Variants in DOCK5 observed in about 807,000 individuals in gnomAD.
DOCK5 encodes dedicator of cytokinesis protein 5.
Under a neutral mutation model 251.8 loss-of-function variants are expected in DOCK5, and 142 were observed. The ratio of observed to expected loss-of-function variants is 0.56; its 90% CI spans 0.49 to 0.65. The LOEUF (loss-of-function observed/expected upper bound fraction) is 0.65, where lower values mean the gene tolerates loss of function less well. Ranked by LOEUF, DOCK5 falls within the 30% of genes least tolerant of loss-of-function variation. The pLI is 0.00. For missense variants in DOCK5, 2,111 were observed against 2,312.3 expected, an observed-to-expected ratio of 0.91 and a Z score of 1.79; for synonymous variants, 842 against 835.5, an observed-to-expected ratio of 1.01 and a Z score of -0.13.
chr8:25,345,437 C>G lies in DOCK5; in HGVS notation c.2618-38C>G, dbSNP rs771486996. ...AGGAGACAGGCAGTTCAGGAGGTGG[C>G]ACTGCTGTGTGTGAGCTGTCTGTGT... is the stretch of plus-strand genomic sequence containing the variant. On this transcript the variant is annotated intron_variant, in intron 25 of 51. Coordinates refer to ENST00000276440, the MANE Select transcript of DOCK5 (RefSeq NM_024940.8). The G allele has an allele frequency of 3.7e-6, 6 of 1,609,010 alleles. No homozygotes were observed. In the South Asian group the frequency reaches 4.4e-5, roughly 12 times the overall value.
rs543604566 is a variant in DOCK5 at position 25,391,406 on chromosome 8, C to T, written c.4356-490C>T. 2.4e-3 allele frequency among the ~76,000 whole-genome samples: 368 copies of T among 151,972 alleles called. 2 individuals carry two copies. Among genetic ancestry groups the T allele is most frequent in the South Asian group, 8.7e-3 (42 of 4,804 alleles). ...GTGTGCTGTGACTTTGAGGCTGAGG[C>T]GGGTGGATCACTTGAGGTCAGGAGT... is the stretch of plus-strand genomic sequence containing the variant. On this transcript the variant is annotated intron_variant, in intron 42 of 51. Transcript: ENST00000276440.
At chr8:25,344,422 T>G (rs1006376929) in intron 25 of DOCK5, among the ~76,000 whole-genome samples, 10 of 152,146 alleles carry the variant, frequency 6.6e-5, no homozygotes, top group African/African-American at 2.2e-4. Context: ...TGCCTGGAGA[T>G]CTGAAGACCA....
At chr8:25,292,332 A>T (rs1804514183) in intron 6 of DOCK5, among the ~76,000 whole-genome samples, 160 bp downstream of exon 6, 1 of 152,172 alleles carries the variant, frequency 6.6e-6, no homozygotes, top group South Asian at 2.1e-4. Context: ...TTGTTGAAAA[A>T]AATGTCACAG....
chr8:25,209,012 A>G (rs1011090385), intron 1 of DOCK5, among the ~76,000 whole-genome samples: 13 of 152,162 alleles, frequency 8.5e-5, no homozygotes, highest in South Asian at 2.1e-4. Flanking sequence ...TTTTGTTGGC[A>G]TTTACCATTA....
chr8:25,320,403 A>G (rs902636881), intron 15 of DOCK5, among the ~76,000 whole-genome samples: 1 of 152,208 alleles, frequency 6.6e-6, no homozygotes, highest in African/African-American at 2.4e-5. Flanking sequence ...GTGCTTTTTA[A>G]AACTACTTAT....
At chr8:25,257,110 A>G (rs1292221108) in intron 2 of DOCK5, among the ~76,000 whole-genome samples, 1 of 152,162 alleles carries the variant, frequency 6.6e-6, no homozygotes, top group Non-Finnish European at 1.5e-5. Flanking sequence ...GAGCACAGAC[A>G]CATTCTTCAA....
intron 6 of DOCK5, among the ~76,000 whole-genome samples, chr8:25,295,596 G>A (rs142135228): frequency 6.6e-5 from 10 of 152,172 alleles, no homozygotes; most frequent in Non-Finnish European, 1.3e-4. Context: ...TACTTCACTC[G>A]TCTCCTTTAT....
At chr8:25,396,481 G>A (rs1801347488) in intron 45 of DOCK5, among the ~76,000 whole-genome samples, 1 of 152,098 alleles carries the variant, frequency 6.6e-6, no homozygotes, top group Non-Finnish European at 1.5e-5. Flanking sequence ...AGACATGAAA[G>A]CAGTACTTGG....
At chr8:25,251,942 TCACG>T (rs1803282562) in intron 2 of DOCK5, among the ~76,000 whole-genome samples, 1 of 149,046 alleles carries the variant, frequency 6.7e-6, no homozygotes, top group South Asian at 2.1e-4. Flanking sequence ...TGAGCTGAGA[TCACG>T]CGTGCCATTG....
chr8:25,342,705 T>G (rs1800263000), intron 25 of DOCK5, among the ~76,000 whole-genome samples, 198 bp downstream of exon 25: 2 of 122,836 alleles, frequency 1.6e-5, no homozygotes, highest in Non-Finnish European at 1.8e-5. Flanking sequence ...TTTTTTTTTT[T>G]TTTTTTTTTT....
intron 1 of DOCK5, among the ~76,000 whole-genome samples, chr8:25,205,218 G>T (rs1367999222): frequency 6.6e-6 from 1 of 151,806 alleles, no homozygotes; most frequent in Non-Finnish European, 1.5e-5. Flanking sequence ...TGTGGAGAGC[G>T]CTCTCCCTCT....
intron 5 of DOCK5, among the ~76,000 whole-genome samples, chr8:25,285,861 C>T (rs1804318415): frequency 1.3e-5 from 2 of 152,152 alleles, no homozygotes; most frequent in East Asian, 3.9e-4. Context: ...TTCAGTGTGG[C>T]TCTAACAAGA....
intron 11 of DOCK5, chr8:25,304,539 T>C (rs956351819): frequency 5.0e-5 from 24 of 477,984 alleles, no homozygotes; most frequent in African/African-American, 1.8e-4. Flanking sequence ...CTTTCCTGAT[T>C]CTATAGAAAG....
intron 11 of DOCK5, 79 bp from the exon 12 acceptor site, chr8:25,308,696 CCTATATGA>C: frequency 7.0e-7 from 1 of 1,424,824 alleles, no homozygotes; most frequent in Non-Finnish European, 9.6e-7. Flanking sequence ...CCAAATTATT[CCTATATGA>C]CTCACCATTA....
At chr8:25,304,383 T>A (rs1804847128) in intron 11 of DOCK5, 56 bp downstream of exon 11, 1 of 1,471,818 alleles carries the variant, frequency 6.8e-7, no homozygotes, top group Admixed American at 2.3e-5. Flanking sequence ...GCCATTCAAT[T>A]GTCTTTTAAC....
intron 1 of DOCK5, among the ~76,000 whole-genome samples, chr8:25,201,067 C>T (rs963464301): frequency 1.4e-4 from 22 of 152,088 alleles, no homozygotes; most frequent in East Asian, 1.9e-4. Context: ...CCACCATGCC[C>T]GGCTAATTTT....
chr8:25,313,862 A>G lies in DOCK5; in HGVS notation c.1319-3145A>G, dbSNP rs933731757. ...CCTTACTTACTCTTTTAAAGGCCCT[A>G]TCTCCAAATACAGTCATATTCTGCG... On this transcript the variant is annotated intron_variant, in intron 13 of 51. Transcript: ENST00000276440. Among the ~76,000 whole-genome samples the G allele has an allele frequency of 5.3e-5, 8 of 152,300 alleles. No homozygotes were observed. The South Asian group carries it at 8.3e-4, about 16-fold the overall frequency.
intron 40 of DOCK5, among the ~76,000 whole-genome samples, chr8:25,383,312 A>G (rs1482807992): frequency 6.6e-6 from 1 of 152,172 alleles, no homozygotes; most frequent in Non-Finnish European, 1.5e-5. Context: ...TTGCTTAAAC[A>G]TTTATTATCC....
At chr8:25,363,490 A>G (rs565086982) in intron 29 of DOCK5, among the ~76,000 whole-genome samples, 5 of 152,228 alleles carry the variant, frequency 3.3e-5, no homozygotes, top group Non-Finnish European at 4.4e-5. Flanking sequence ...TGACCGGTCC[A>G]TGATGTATTT....
Sources: gnomAD v4.1 joint callset for allele counts (sites outside exome capture counted in the v4.1 genomes callset) on GRCh38, gnomAD v4.1.1 for gene constraint, MANE v1.5 for transcripts, NCBI Gene and HGNC (gene_info 2026-07-23, HGNC 2026-07-21) for gene names.